The following ITGA8 variants were observed in gnomAD, a reference collection of about 807,000 sequenced individuals.
ITGA8 encodes the protein integrin alpha-8.
A neutral mutation model predicts 142.3 loss-of-function variants in ITGA8; 91 were observed. That is an observed-to-expected ratio of 0.64 (90% confidence interval 0.54 to 0.76). The LOEUF is 0.76. ITGA8 is among the 30% of genes least tolerant of loss of function. The pLI, the probability that ITGA8 is intolerant of heterozygous loss-of-function variation, is 0.00. For synonymous variants in ITGA8, 505 were observed against 485.2 expected (o/e 1.04, Z -0.54); for missense variants, 1,406 against 1,327.7 (o/e 1.06, Z -0.92).
chr10:15,530,480 C>T (rs566172328), intron 28 of ITGA8, among the ~76,000 whole-genome samples: 47 of 123,246 alleles, frequency 3.8e-4, no homozygotes, highest in African/African-American at 1.4e-3. Context: ...TCGGAGGCAA[C>T]GGTTGCAGTG....
intron 4 of ITGA8, among the ~76,000 whole-genome samples, chr10:15,680,769 A>G (rs952983305): frequency 6.6e-6 from 1 of 151,512 alleles, no homozygotes; most frequent in Non-Finnish European, 1.5e-5. Context: ...AAGAGAAAAC[A>G]TTCATTTTTT....
intron 17 of ITGA8, among the ~76,000 whole-genome samples, chr10:15,606,913 G>C (rs1033752691): frequency 6.6e-6 from 1 of 152,128 alleles, no homozygotes; most frequent in African/African-American, 2.4e-5. Flanking sequence ...GATATTTGAA[G>C]TTCTTTTGGA....
At chr10:15,671,510 C>A in intron 8 of ITGA8, 93 bp downstream of exon 8, 1 of 1,028,560 alleles carries the variant, frequency 9.7e-7, no homozygotes, top group East Asian at 2.4e-5. Flanking sequence ...TTTGGTATAG[C>A]AAATAAAATC....
intron 3 of ITGA8, among the ~76,000 whole-genome samples, chr10:15,686,442 TTC>T (rs1834834050): frequency 6.6e-6 from 1 of 152,244 alleles, no homozygotes; most frequent in African/African-American, 2.4e-5. Flanking sequence ...TGGCCTCACC[TTC>T]TGTTTCATCA....
intron 27 of ITGA8, among the ~76,000 whole-genome samples, chr10:15,539,505 C>T (rs1291809947): frequency 3.3e-5 from 5 of 152,034 alleles, no homozygotes; most frequent in South Asian, 2.1e-4. Flanking sequence ...CCCAATACTG[C>T]GGGTCATTAT....
chr10:15,606,879 G>A (rs1207339926), intron 17 of ITGA8, among the ~76,000 whole-genome samples: 1 of 152,172 alleles, frequency 6.6e-6, no homozygotes, highest in Non-Finnish European at 1.5e-5. Context: ...GCCCTTGCCT[G>A]CATGAACTTC....
rs557821713 is a variant in ITGA8 at position 15,689,783 on chromosome 10, C to A, written c.344-1745G>T. ...ACACACAGCGTGCACCAATCCCCAG[C>A]CAACCTGCTGCAGCTCCCTACGCTC... On this transcript the variant is annotated intron_variant, in intron 2 of 29. Transcript: ENST00000378076. Among the ~76,000 whole-genome samples the A allele has an allele frequency of 1.4e-3, 218 of 152,338 alleles. 2 individuals carry two copies. Among genetic ancestry groups the A allele is most frequent in the African/African-American group, 4.9e-3 (205 of 41,576 alleles).
intron 10 of ITGA8, among the ~76,000 whole-genome samples, chr10:15,658,262 C>T (rs1834222528): frequency 6.6e-6 from 1 of 152,218 alleles, no homozygotes; most frequent in South Asian, 2.1e-4. Context: ...TCTAATCTGT[C>T]AGCTGCAGAA....
At chr10:15,584,513 A>G (rs1174551128) in intron 23 of ITGA8, among the ~76,000 whole-genome samples, 1 of 152,192 alleles carries the variant, frequency 6.6e-6, no homozygotes. Context: ...ATAGTGTGGG[A>G]TAACAGAAAC....
chr10:15,526,599 G>A (rs1184925212), intron 28 of ITGA8, among the ~76,000 whole-genome samples: 1 of 152,166 alleles, frequency 6.6e-6, no homozygotes, highest in African/African-American at 2.4e-5. Context: ...TAAGAAAGAA[G>A]TTTCATGTTG....
chr10:15,671,319 A>G (rs2131685292), intron 8 of ITGA8, among the ~76,000 whole-genome samples: 1 of 152,314 alleles, frequency 6.6e-6, no homozygotes, highest in South Asian at 2.1e-4. Flanking sequence ...CACTAACAGT[A>G]TGGCATTTAG....
intron 4 of ITGA8, among the ~76,000 whole-genome samples, chr10:15,681,283 T>G (rs1834732072): frequency 1.3e-5 from 2 of 151,932 alleles, no homozygotes; most frequent in Non-Finnish European, 2.9e-5. Context: ...GTTAATGATC[T>G]GTGAACTTCT....
At position 15,719,815 on chromosome 10, in the gene ITGA8, C is replaced by T. The variant is rs1190854019; in HGVS notation, c.-44G>A. ...GTGGCTGCTACCCAGGAGCGCGAGC[C>T]GAGGACCCCTGCGGGGCAAGGGGGG... On this transcript the variant is annotated 5_prime_UTR_variant, in exon 1 of 30. Coordinates refer to ENST00000378076, the MANE Select transcript of ITGA8 (RefSeq NM_003638.3). 8 of 1,296,338 alleles carry T rather than the reference C, an allele frequency of 6.2e-6. No homozygotes were observed. In the African/African-American group the frequency reaches 7.8e-5, roughly 13 times the overall value. 80.3% of individuals were successfully genotyped at this position (1,296,338 alleles called of 1,614,324 possible).
At chr10:15,668,226 A>C (rs567899187) in intron 8 of ITGA8, among the ~76,000 whole-genome samples, 6 of 152,338 alleles carry the variant, frequency 3.9e-5, no homozygotes, top group African/African-American at 1.4e-4. Flanking sequence ...ATATATATTT[A>C]GGATAGTTAG....
intron 12 of ITGA8, among the ~76,000 whole-genome samples, chr10:15,645,316 C>T (rs1195579471): frequency 2.0e-5 from 3 of 152,040 alleles, no homozygotes; most frequent in South Asian, 4.2e-4. Flanking sequence ...AAGCTAGGAC[C>T]TCCCTTTATG....
At chr10:15,678,855 ATAT>A (rs1381257245) in intron 4 of ITGA8, 72 bp from the exon 5 acceptor site, 1 of 897,162 alleles carries the variant, frequency 1.1e-6, no homozygotes, top group East Asian at 2.6e-5. Flanking sequence ...CCAATTCAGG[ATAT>A]TATGTTATTT....
chr10:15,565,200 A>G (rs1303657394), intron 25 of ITGA8, among the ~76,000 whole-genome samples: 1 of 152,234 alleles, frequency 6.6e-6, no homozygotes, highest in Non-Finnish European at 1.5e-5. Context: ...CACAGGTAGC[A>G]TTCCCATAAG....
chr10:15,551,950 T>C (rs996052162), intron 26 of ITGA8, among the ~76,000 whole-genome samples: 31 of 152,186 alleles, frequency 2.0e-4, no homozygotes, highest in African/African-American at 7.0e-4. Context: ...GTTTTTATGA[T>C]ATTCGGAAGT....
At chr10:15,611,157 C>T (rs942881740) in intron 15 of ITGA8, among the ~76,000 whole-genome samples, 2 of 152,050 alleles carry the variant, frequency 1.3e-5, no homozygotes, top group East Asian at 1.9e-4. Context: ...TCAACGGAGA[C>T]CTTTCAATCA....
Sources: allele counts gnomAD v4.1 joint callset (sites outside exome capture counted in the v4.1 genomes callset), GRCh38; gene constraint gnomAD v4.1.1; transcripts MANE v1.5; gene names NCBI Gene and HGNC (gene_info 2026-07-23, HGNC 2026-07-21).